The following HHAT variants were observed in gnomAD, a reference collection of about 807,000 sequenced individuals.
HHAT encodes protein-cysteine N-palmitoyltransferase HHAT.
Under a neutral mutation model 70.8 loss-of-function variants are expected in HHAT, and 47 were observed. The ratio of observed to expected loss-of-function variants is 0.66; its 90% CI spans 0.53 to 0.85. The LOEUF is 0.85. Ranked by LOEUF, HHAT falls within the 40% of genes least tolerant of loss-of-function variation. HHAT has a pLI of 0.00. For missense variants in HHAT, 609 were observed against 604.8 expected (o/e 1.01, Z -0.07); for synonymous variants, 228 against 247.6 (o/e 0.92, Z 0.74).
intron 11 of HHAT, among the ~76,000 whole-genome samples, chr1:210,667,783 C>T (rs1558395634): frequency 1.3e-5 from 2 of 152,040 alleles, no homozygotes; most frequent in Admixed American, 1.3e-4. Flanking sequence ...ATTATTTTGC[C>T]AAGGGCTTCT....
chr1:210,493,059 C>G (rs771780470), intron 8 of HHAT, among the ~76,000 whole-genome samples: 7 of 151,986 alleles, frequency 4.6e-5, no homozygotes, highest in Non-Finnish European at 7.4e-5. Flanking sequence ...GGATCAAGTA[C>G]TTTGATTCTA....
chr1:210,566,534 AGAT>A (rs1053842255), intron 9 of HHAT, among the ~76,000 whole-genome samples: 1 of 152,148 alleles, frequency 6.6e-6, no homozygotes, highest in Non-Finnish European at 1.5e-5. Context: ...CTCCAGAAGC[AGAT>A]GAGGAGACAA....
At chr1:210,665,845 A>G (rs113590800) in intron 11 of HHAT, among the ~76,000 whole-genome samples, 4,389 of 152,326 alleles carry the variant, frequency 0.029, 83 homozygotes, top group Middle Eastern at 0.065. Context: ...TGGGTGCTCT[A>G]TGACAAGTTA....
At chr1:210,515,672 G>A (rs568590030) in intron 9 of HHAT, among the ~76,000 whole-genome samples, 2 of 150,518 alleles carry the variant, frequency 1.3e-5, no homozygotes, top group Non-Finnish European at 2.9e-5. Context: ...GCAGGAGAAT[G>A]GCATGAACCT....
intron 8 of HHAT, among the ~76,000 whole-genome samples, chr1:210,465,765 C>T (rs1017930590): frequency 1.3e-5 from 2 of 152,262 alleles, no homozygotes; most frequent in African/African-American, 4.8e-5. Context: ...TAACTTATTA[C>T]AGATGCTGAA....
chr1:210,387,375 A>G (rs1410252571), intron 3 of HHAT, 93 bp from the exon 4 acceptor site: 3 of 1,028,660 alleles, frequency 2.9e-6, no homozygotes, highest in South Asian at 1.3e-5. Flanking sequence ...TTGGACTCAC[A>G]CTGGCCTTCT....
At chr1:210,531,672 C>T (rs2095316050) in intron 9 of HHAT, among the ~76,000 whole-genome samples, 1 of 152,130 alleles carries the variant, frequency 6.6e-6, no homozygotes, top group Non-Finnish European at 1.5e-5. Flanking sequence ...CTTATCTGTC[C>T]ATCAGTCCAC....
chr1:210,350,162 A>G (rs988479695), intron 2 of HHAT, among the ~76,000 whole-genome samples: 5 of 152,230 alleles, frequency 3.3e-5, no homozygotes, highest in East Asian at 3.8e-4. Context: ...TATAAACTTT[A>G]GAGTCAATTT....
At chr1:210,657,726 T>G (rs1489514674) in intron 11 of HHAT, among the ~76,000 whole-genome samples, 1 of 152,234 alleles carries the variant, frequency 6.6e-6, no homozygotes, top group Non-Finnish European at 1.5e-5. Flanking sequence ...TTTATGGCAT[T>G]TTCATTTGGT....
intron 8 of HHAT, among the ~76,000 whole-genome samples, chr1:210,487,652 T>C (rs1432101704): frequency 6.6e-6 from 1 of 152,236 alleles, no homozygotes; most frequent in African/African-American, 2.4e-5. Flanking sequence ...ATATGCCACT[T>C]TGGCATATTA....
chr1:210,339,851 T>C (rs1456469833), intron 1 of HHAT, among the ~76,000 whole-genome samples: 1 of 152,212 alleles, frequency 6.6e-6, no homozygotes, highest in African/African-American at 2.4e-5. Context: ...ACATAACTAA[T>C]ACATAATATG....
At chr1:210,608,410 A>G (rs865837848) in intron 10 of HHAT, among the ~76,000 whole-genome samples, 2 of 152,122 alleles carry the variant, frequency 1.3e-5, no homozygotes, top group Non-Finnish European at 2.9e-5. Flanking sequence ...TTGGCTATCT[A>G]TTCTGTTGCG....
intron 9 of HHAT, among the ~76,000 whole-genome samples, chr1:210,558,966 T>C (rs1158223526): frequency 1.2e-4 from 18 of 152,214 alleles, no homozygotes; most frequent in Admixed American, 1.2e-3. Context: ...GTTTATTTCA[T>C]AGTGATATCA....
At chr1:210,501,817 C>G (rs560583545) in intron 8 of HHAT, among the ~76,000 whole-genome samples, 1 of 152,232 alleles carries the variant, frequency 6.6e-6, no homozygotes, top group East Asian at 1.9e-4. Flanking sequence ...TGTCCACACA[C>G]AAAAACTGGC....
intron 6 of HHAT, among the ~76,000 whole-genome samples, chr1:210,412,736 C>A (rs1008280841): frequency 2.0e-5 from 3 of 152,204 alleles, no homozygotes; most frequent in African/African-American, 7.2e-5. Context: ...TCACCCAGGC[C>A]AGAATCTTGA....
chr1:210,365,750 G>A (rs1021073207), intron 3 of HHAT, among the ~76,000 whole-genome samples: 3 of 151,426 alleles, frequency 2.0e-5, no homozygotes. Flanking sequence ...TGAGTAGCTG[G>A]GATTATAGGC....
chr1:210,542,575 A>G (rs1003869400), intron 9 of HHAT, among the ~76,000 whole-genome samples: 5 of 151,328 alleles, frequency 3.3e-5, no homozygotes, highest in African/African-American at 1.2e-4. Flanking sequence ...AGTTGGGAGG[A>G]TTGCTTGAGG....
At chr1:210,628,737 G>C (rs1461222427) in intron 11 of HHAT, among the ~76,000 whole-genome samples, 1 of 152,150 alleles carries the variant, frequency 6.6e-6, no homozygotes, top group Non-Finnish European at 1.5e-5. Context: ...GCTTGTCTGA[G>C]CAGTTTATTT....
At chr1:210,452,462 A>G (rs1481848190) in intron 7 of HHAT, among the ~76,000 whole-genome samples, 2 of 152,232 alleles carry the variant, frequency 1.3e-5, no homozygotes, top group African/African-American at 2.4e-5. Flanking sequence ...AGGTTCAACA[A>G]TTATCAACTC....
Sources: gnomAD v4.1 joint callset for allele counts (sites outside exome capture counted in the v4.1 genomes callset) on GRCh38, gnomAD v4.1.1 for gene constraint, MANE v1.5 for transcripts, NCBI Gene and HGNC (gene_info 2026-07-23, HGNC 2026-07-21) for gene names.